CERS6: variants seen among roughly 807,000 people sequenced by gnomAD.
CERS6 encodes ceramide synthase 6, also known as LAG1 homolog, ceramide synthase 6.
CERS6 carries 26 observed loss-of-function variants against 56.8 expected under a neutral mutation model. The observed-to-expected ratio is 0.46, with a 90% CI of 0.34 to 0.63. The LOEUF (loss-of-function observed/expected upper bound fraction) is 0.63, where lower values mean the gene tolerates loss of function less well. Among genes scored for constraint, CERS6 ranks in the 30% least tolerant of loss-of-function variants. The pLI, the probability that CERS6 is intolerant of heterozygous loss-of-function variation, is 0.01. For synonymous variants in CERS6, 164 were observed against 173.3 expected (o/e 0.95, Z 0.42); for missense variants, 415 against 467.5 (o/e 0.89, Z 1.04).
intron 8 of CERS6, among the ~76,000 whole-genome samples, chr2:168,740,563 T>G (rs1379333278): frequency 3.3e-5 from 5 of 152,150 alleles, no homozygotes; most frequent in Admixed American, 1.3e-4. Flanking sequence ...ATCCAACCTT[T>G]TCTGAGGGTC....
At chr2:168,575,020 C>T (rs1683224856) in intron 3 of CERS6, among the ~76,000 whole-genome samples, 1 of 152,118 alleles carries the variant, frequency 6.6e-6, no homozygotes, top group Non-Finnish European at 1.5e-5. Context: ...CCTTACTTGT[C>T]TAAACAGTAG....
At chr2:168,589,635 AT>A (rs1192009725) in intron 3 of CERS6, among the ~76,000 whole-genome samples, 1 of 152,078 alleles carries the variant, frequency 6.6e-6, no homozygotes, top group Non-Finnish European at 1.5e-5. Context: ...TTTCACATGT[AT>A]TTTTTTAAAT....
intron 1 of CERS6, among the ~76,000 whole-genome samples, chr2:168,459,260 C>T (rs1302176258): frequency 2.0e-5 from 3 of 152,226 alleles, no homozygotes; most frequent in Admixed American, 6.5e-5. Context: ...AGGCTAAAAT[C>T]GTGAATTTGA....
At chr2:168,588,901 G>C (rs987028107) in intron 3 of CERS6, among the ~76,000 whole-genome samples, 2 of 152,258 alleles carry the variant, frequency 1.3e-5, no homozygotes, top group East Asian at 1.9e-4. Context: ...ACCACGCCTG[G>C]CCATTTTTTT....
At chr2:168,547,552 G>A in intron 1 of CERS6, 44 bp from the exon 2 acceptor site, 1 of 1,283,096 alleles carries the variant, frequency 7.8e-7, no homozygotes, top group Non-Finnish European at 1.1e-6. Flanking sequence ...CACATAGAAA[G>A]AATAAATTCT....
At chr2:168,729,744 C>G (rs547148686) in intron 8 of CERS6, among the ~76,000 whole-genome samples, 3 of 152,206 alleles carry the variant, frequency 2.0e-5, no homozygotes, top group Non-Finnish European at 4.4e-5. Flanking sequence ...TCCTTCTGTT[C>G]CTTGTGGGGC....
chr2:168,604,774 T>C (rs1031493384), intron 3 of CERS6, among the ~76,000 whole-genome samples: 10 of 152,260 alleles, frequency 6.6e-5, no homozygotes, highest in Non-Finnish European at 1.3e-4. Context: ...AGTAAGTTTT[T>C]TGAGGTCTCC....
intron 4 of CERS6, among the ~76,000 whole-genome samples, chr2:168,655,981 A>G (rs1260703680): frequency 6.6e-6 from 1 of 152,242 alleles, no homozygotes; most frequent in Non-Finnish European, 1.5e-5. Context: ...GTAAACCTCA[A>G]ATATTACATG....
chr2:168,568,868 G>A (rs895372372), intron 3 of CERS6, among the ~76,000 whole-genome samples: 1 of 152,152 alleles, frequency 6.6e-6, no homozygotes, highest in African/African-American at 2.4e-5. Flanking sequence ...GAGAAGAATG[G>A]GTTAGGGACA....
At chr2:168,570,909 A>G (rs899423970) in intron 3 of CERS6, among the ~76,000 whole-genome samples, 1 of 152,180 alleles carries the variant, frequency 6.6e-6, no homozygotes, top group Non-Finnish European at 1.5e-5. Flanking sequence ...AAAGTTGAGT[A>G]AGCAACAATT....
intron 1 of CERS6, among the ~76,000 whole-genome samples, chr2:168,538,839 C>T (rs971448699): frequency 6.6e-6 from 1 of 152,194 alleles, no homozygotes; most frequent in Admixed American, 6.5e-5. Flanking sequence ...CTTTGTCTGA[C>T]AGATTGTCTT....
intron 4 of CERS6, among the ~76,000 whole-genome samples, chr2:168,677,570 T>C (rs1686096512): frequency 6.6e-6 from 1 of 152,180 alleles, no homozygotes; most frequent in East Asian, 1.9e-4. Context: ...CGATCTTGGC[T>C]CACCACAACC....
chr2:168,669,915 A>G (rs1685866081), intron 4 of CERS6, among the ~76,000 whole-genome samples: 1 of 152,244 alleles, frequency 6.6e-6, no homozygotes, highest in Non-Finnish European at 1.5e-5. Context: ...GGTCAAACAT[A>G]TTGAAGAATT....
Position 168,649,900 on chromosome 2 carries a change from C to A in CERS6, c.465+18858C>A, listed in dbSNP as rs536705543. Among the ~76,000 whole-genome samples the A allele has an allele frequency of 3.3e-5, 5 of 152,130 alleles. No individual in the cohort carries two copies. The East Asian group carries it at 9.7e-4, about 29-fold the overall frequency. On this transcript the variant is annotated intron_variant, in intron 4 of 9. Transcript: ENST00000305747. ...TTGCTTCCCCAAACTTACTGTAAGC[C>A]CCTCAAGGATGGTTCCTGGATATCA...
intron 8 of CERS6, among the ~76,000 whole-genome samples, chr2:168,723,940 G>C (rs951642996): frequency 6.6e-6 from 1 of 152,198 alleles, no homozygotes; most frequent in African/African-American, 2.4e-5. Flanking sequence ...TGCTTTACCA[G>C]TTTTATCAAA....
intron 8 of CERS6, among the ~76,000 whole-genome samples, chr2:168,732,092 G>A (rs1683555712): frequency 6.6e-6 from 1 of 152,098 alleles, no homozygotes; most frequent in Non-Finnish European, 1.5e-5. Flanking sequence ...ATTATTCATG[G>A]CACTTGACCC....
intron 4 of CERS6, among the ~76,000 whole-genome samples, chr2:168,646,669 G>A (rs1685211305): frequency 6.6e-6 from 1 of 152,046 alleles, no homozygotes; most frequent in Admixed American, 6.6e-5. Context: ...TTATAGTTTT[G>A]TGTTTTGCAT....
chr2:168,579,800 G>A (rs779482678), intron 3 of CERS6, among the ~76,000 whole-genome samples: 1 of 152,132 alleles, frequency 6.6e-6, no homozygotes, highest in African/African-American at 2.4e-5. Context: ...ATCTCTCCCA[G>A]CTCCTCTCGC....
chr2:168,657,980 C>G (rs1055292327), intron 4 of CERS6, among the ~76,000 whole-genome samples: 25 of 152,222 alleles, frequency 1.6e-4, no homozygotes, highest in Non-Finnish European at 3.1e-4. Flanking sequence ...GCTCTGAGGA[C>G]TGCCAGCACA....
Sources: allele counts gnomAD v4.1 joint callset (sites outside exome capture counted in the v4.1 genomes callset), GRCh38; gene constraint gnomAD v4.1.1; transcripts MANE v1.5; gene names NCBI Gene and HGNC (gene_info 2026-07-23, HGNC 2026-07-21).